The following FDFT1 variants were observed in gnomAD, a reference collection of about 807,000 sequenced individuals.
The protein encoded by FDFT1 is squalene synthase.
FDFT1 carries 68 observed loss-of-function variants against 46.8 expected under a neutral mutation model. The ratio of observed to expected loss-of-function variants is 1.45; its 90% CI spans 1.19 to 1.78. The LOEUF is 1.78. Ranked by LOEUF, FDFT1 falls within the 40% of genes most tolerant of loss-of-function variation. FDFT1 has a pLI of 0.00. For missense variants in FDFT1, 928 were observed against 524.4 expected, an observed-to-expected ratio of 1.77 and a Z score of -7.52; for synonymous variants, 351 against 185.1, an observed-to-expected ratio of 1.90 and a Z score of -7.28.
chr8:11,811,924 T>A (rs1020120292), intron 3 of FDFT1, among the ~76,000 whole-genome samples: 1 of 152,222 alleles, frequency 6.6e-6, no homozygotes, highest in Non-Finnish European at 1.5e-5. Context: ...TGCCTTGTCT[T>A]CTTAAGGAGT....
intron 7 of FDFT1, among the ~76,000 whole-genome samples, 172 bp from the exon 8 acceptor site, chr8:11,838,216 C>T (rs773297012): frequency 3.9e-5 from 6 of 152,168 alleles, no homozygotes; most frequent in Admixed American, 6.5e-5. Flanking sequence ...GGGCTGACAT[C>T]CCCACCTTAT....
At chr8:11,835,260 C>T (rs1435788923) in intron 7 of FDFT1, among the ~76,000 whole-genome samples, 1 of 152,182 alleles carries the variant, frequency 6.6e-6, no homozygotes, top group African/African-American at 2.4e-5. Context: ...ATTGAGTTTG[C>T]AGAAACCTAC....
At chr8:11,808,430 G>C (rs1021238184) in intron 1 of FDFT1, 66 of 1,261,100 alleles carry the variant, frequency 5.2e-5, no homozygotes, top group Admixed American at 2.9e-4. Context: ...TATTCGAGTA[G>C]AGGGCGAGCC....
chr8:11,835,971 T>TAAAAAAAAAAAAAAAAAAAAAAAA (rs755611965), intron 7 of FDFT1, among the ~76,000 whole-genome samples: 3 of 64,608 alleles, frequency 4.6e-5, no homozygotes, highest in African/African-American at 1.0e-4. Context: ...CTGTCTCTAC[T>TAAAAAAAAAAAAAAAAAAAAAAAA]AAAAAAAAAA....
intron 7 of FDFT1, among the ~76,000 whole-genome samples, chr8:11,836,304 C>T (rs1003593003): frequency 3.7e-4 from 57 of 152,214 alleles, no homozygotes; most frequent in African/African-American, 1.3e-3. Context: ...CCCTGTGTGT[C>T]ACTGCCACTC....
intron 3 of FDFT1, among the ~76,000 whole-genome samples, chr8:11,815,422 C>A (rs539322874): frequency 3.1e-4 from 47 of 152,162 alleles, no homozygotes; most frequent in Admixed American, 9.2e-4. Flanking sequence ...ATTTCTAGTT[C>A]TAGATCCTTG....
intron 1 of FDFT1, 143 bp from the exon 2 acceptor site, chr8:11,808,651 G>A: frequency 2.1e-6 from 3 of 1,412,786 alleles, no homozygotes; most frequent in Non-Finnish European, 1.8e-6. Flanking sequence ...CCTGCCGCCT[G>A]GCCCTGCAAG....
intron 3 of FDFT1, among the ~76,000 whole-genome samples, chr8:11,815,770 C>T (rs780383226): frequency 9.9e-5 from 15 of 151,836 alleles, no homozygotes; most frequent in African/African-American, 3.6e-4. Flanking sequence ...TGGATACTAC[C>T]CTTTGTTGGA....
intron 3 of FDFT1, among the ~76,000 whole-genome samples, chr8:11,815,907 A>G (rs111711098): frequency 0.13 from 20,377 of 152,180 alleles, 1,490 homozygotes; most frequent in Middle Eastern, 0.16. Context: ...TTTTGTTGCC[A>G]TTGCTTTTGG....
intron 1 of FDFT1, among the ~76,000 whole-genome samples, chr8:11,806,658 G>C (rs936753652): frequency 2.0e-5 from 3 of 152,100 alleles, no homozygotes; most frequent in Non-Finnish European, 2.9e-5. Context: ...ATGACATTTG[G>C]CAGTGCAGTT....
At chr8:11,825,924 A>G (rs1423704876) in intron 4 of FDFT1, 100 bp from the exon 5 acceptor site, 1 of 666,988 alleles carries the variant, frequency 1.5e-6, no homozygotes, top group Non-Finnish European at 2.3e-6. Flanking sequence ...ATTCTTACCC[A>G]TTCTCTTTTG....
chr8:11,802,779 C>G lies in FDFT1; in HGVS notation c.-54C>G. The G allele has an allele frequency of 1.4e-6, 2 of 1,427,362 alleles. No homozygotes were observed. The highest frequency in any genetic ancestry group is 2.4e-5 in the East Asian group (1 of 42,508). 88.4% of individuals were successfully genotyped at this position (1,427,362 alleles called of 1,614,324 possible). ...CACAGGTCCAGCCGGCCGGTGAGCG[C>G]CTGGGGACCGCAGAGGTGAGAGTCG... On this transcript the variant is annotated 5_prime_UTR_variant, in exon 1 of 8. Transcript: ENST00000220584.
chr8:11,815,100 G>C (rs1333813171), intron 3 of FDFT1, among the ~76,000 whole-genome samples: 1 of 151,978 alleles, frequency 6.6e-6, no homozygotes, highest in Non-Finnish European at 1.5e-5. Flanking sequence ...CTCCCACTTA[G>C]GAGTGAGAAC....
chr8:11,799,425 T>C (rs893958794), upstream of FDFT1, among the ~76,000 whole-genome samples: 1 of 152,222 alleles, frequency 6.6e-6, no homozygotes. Context: ...CTTAGTTGAT[T>C]CTTCAAGTGT....
rs371534219 is a variant in FDFT1 at position 11,831,841 on chromosome 8, G to A, written c.1032+171G>A. On this transcript the variant is annotated intron_variant, in intron 7 of 7. Coordinates refer to ENST00000220584, the MANE Select transcript of FDFT1 (RefSeq NM_004462.5). ...GGAAAAAAGTCTATTCACAGGAGCCGAGCAGATTGCTCACTGCTGTGTAGT... is the reference window on the plus strand; with the variant it reads ...GGAAAAAAGTCTATTCACAGGAGCCAAGCAGATTGCTCACTGCTGTGTAGT... The A allele has an allele frequency of 5.4e-4, 333 of 616,260 alleles. 2 individuals carry two copies. Among genetic ancestry groups the A allele is most frequent in the South Asian group, 5.1e-3 (258 of 50,560 alleles). The allele number at this position is 616,260 out of a possible 1,614,324, so 38.2% of individuals were successfully genotyped here.
chr8:11,803,282 G>C (rs1391467975), intron 1 of FDFT1: 8 of 1,324,834 alleles, frequency 6.0e-6, no homozygotes, highest in Admixed American at 4.5e-5. Context: ...ACGCGGGAGA[G>C]GACGAGTGAG....
chr8:11,830,944 T>G (rs1051357935), intron 6 of FDFT1, among the ~76,000 whole-genome samples: 3 of 152,230 alleles, frequency 2.0e-5, no homozygotes, highest in African/African-American at 4.8e-5. Context: ...TTAACTGATT[T>G]GGGAACTTGG....
chr8:11,808,936 C>A, intron 2 of FDFT1, 45 bp downstream of exon 2: 1 of 1,595,454 alleles, frequency 6.3e-7, no homozygotes, highest in Non-Finnish European at 8.5e-7. Flanking sequence ...AAAGCTTGTC[C>A]GGGACCTTTG....
At chr8:11,837,675 C>T (rs956767049) in intron 7 of FDFT1, among the ~76,000 whole-genome samples, 1 of 152,054 alleles carries the variant, frequency 6.6e-6, no homozygotes. Context: ...GGGCTGGTGC[C>T]ACTGAGGCAT....
Sources: gnomAD v4.1 joint callset for allele counts (sites outside exome capture counted in the v4.1 genomes callset) on GRCh38, gnomAD v4.1.1 for gene constraint, MANE v1.5 for transcripts, NCBI Gene and HGNC (gene_info 2026-07-23, HGNC 2026-07-21) for gene names.